Variants in TAB1 observed in about 807,000 individuals in gnomAD.
TAB1 encodes TGF-beta activated kinase 1 (MAP3K7) binding protein 1, also known as TGF-beta-activated kinase 1 and MAP3K7-binding protein 1.
In TAB1, 30 loss-of-function variants were observed where a neutral mutation model predicts 54.5. The ratio of observed to expected loss-of-function variants is 0.55; its 90% CI spans 0.41 to 0.75. The LOEUF is 0.75. Ranked by LOEUF, TAB1 falls within the 30% of genes least tolerant of loss-of-function variation. TAB1 has a pLI of 0.00. For missense variants in TAB1, 609 were observed against 683.2 expected (o/e 0.89, Z 1.21); for synonymous variants, 289 against 286.9 (o/e 1.01, Z -0.07).
At chr22:39,416,407 G>C (rs1470400142) in intron 3 of TAB1, among the ~76,000 whole-genome samples, 1 of 152,220 alleles carries the variant, frequency 6.6e-6, no homozygotes, top group Non-Finnish European at 1.5e-5. Context: ...TGCCAGGTTG[G>C]ACTGTCTTAC....
chr22:39,429,406 C>T (rs1488301502), intron 10 of TAB1: 4 of 976,500 alleles, frequency 4.1e-6, no homozygotes, highest in Non-Finnish European at 4.9e-6. Flanking sequence ...CGGGAGTGCT[C>T]GCGTGGGTGC....
intron 6 of TAB1, 120 bp downstream of exon 6, chr22:39,418,965 C>T (rs1926954955): frequency 2.6e-6 from 2 of 781,750 alleles, no homozygotes; most frequent in South Asian, 1.5e-5. Context: ...CCCAGCCAGC[C>T]TGCCTGGGGT....
intron 10 of TAB1, 56 bp downstream of exon 10, chr22:39,428,239 G>C (rs986384026): frequency 3.8e-5 from 48 of 1,270,380 alleles, no homozygotes; most frequent in Non-Finnish European, 5.0e-5. Flanking sequence ...TGTGTGTCCT[G>C]TGGCACCAGG....
intron 5 of TAB1, among the ~76,000 whole-genome samples, chr22:39,418,304 C>A (rs1355722683): frequency 6.6e-6 from 1 of 152,068 alleles, no homozygotes; most frequent in Non-Finnish European, 1.5e-5. Context: ...TTTTTTAATA[C>A]TCCAGTGGAA....
At position 39,419,190 on chromosome 22, in the gene TAB1, C is replaced by G. The variant is rs117591042; in HGVS notation, c.665-329C>G. Among the ~76,000 whole-genome samples, 709 of 152,346 alleles carry G rather than the reference C, an allele frequency of 4.7e-3. 6 individuals carry two copies. Among genetic ancestry groups the G allele is most frequent in the Non-Finnish European group, 7.2e-3 (493 of 68,034 alleles). ...AAAGAGGCCAAAGAAGTCCAGGGAG[C>G]CCAGCTGCTGCTGAGCTGCTCCTTC... On this transcript the variant is annotated intron_variant, in intron 6 of 10. Transcript: ENST00000216160.
chr22:39,416,220 G>A (rs1225073305), intron 3 of TAB1, among the ~76,000 whole-genome samples: 2 of 152,154 alleles, frequency 1.3e-5, no homozygotes, highest in Non-Finnish European at 2.9e-5. Context: ...TGCCCTTCAC[G>A]ACCTCAGGCT....
chr22:39,424,281 G>A (rs979230838), intron 8 of TAB1, among the ~76,000 whole-genome samples: 1 of 152,078 alleles, frequency 6.6e-6, no homozygotes, highest in Non-Finnish European at 1.5e-5. Flanking sequence ...CTTTGCAATT[G>A]TGAATTGTGC....
intron 1 of TAB1, among the ~76,000 whole-genome samples, chr22:39,405,379 C>T (rs1177201718): frequency 2.0e-5 from 3 of 152,222 alleles, no homozygotes; most frequent in African/African-American, 4.8e-5. Context: ...GGCTTCTTAA[C>T]GTATTCTTGT....
chr22:39,412,480 A>G (rs187290064), intron 1 of TAB1, among the ~76,000 whole-genome samples: 82 of 151,208 alleles, frequency 5.4e-4, no homozygotes, highest in African/African-American at 1.8e-3. Flanking sequence ...ACATGTGTCA[A>G]CATTCACAGA....
downstream of TAB1, chr22:39,432,681 A>C (rs919891740): frequency 6.6e-6 from 6 of 904,794 alleles, no homozygotes; most frequent in African/African-American, 1.8e-5. Flanking sequence ...ACTGAGGCAC[A>C]GACAGGTTCA....
chr22:39,436,215 C>T (rs1927777949), downstream of TAB1, among the ~76,000 whole-genome samples: 1 of 152,128 alleles, frequency 6.6e-6, no homozygotes, highest in Admixed American at 6.5e-5. Context: ...ATCACTTGCA[C>T]CCTGGAGGCG....
chr22:39,426,325 AC>A (rs1235272610), intron 8 of TAB1, among the ~76,000 whole-genome samples: 1 of 152,182 alleles, frequency 6.6e-6, no homozygotes, highest in Non-Finnish European at 1.5e-5. Context: ...ATCGCCTACA[AC>A]AAGTTTGTTC....
At chr22:39,408,025 T>C (rs952922077) in intron 1 of TAB1, among the ~76,000 whole-genome samples, 1 of 152,210 alleles carries the variant, frequency 6.6e-6, no homozygotes, top group African/African-American at 2.4e-5. Flanking sequence ...AGTTTCTGTT[T>C]TCTGGAGTGT....
At chr22:39,427,957 G>A (rs759198349) in intron 9 of TAB1, 64 bp from the exon 10 acceptor site, 13 of 1,443,022 alleles carry the variant, frequency 9.0e-6, no homozygotes, top group Non-Finnish European at 1.2e-5. Context: ...GAGCAGCTAT[G>A]CCCCTGCTAC....
intron 5 of TAB1, among the ~76,000 whole-genome samples, chr22:39,418,298 TTAA>T (rs2145671179): frequency 6.6e-6 from 1 of 152,292 alleles, no homozygotes; most frequent in East Asian, 1.9e-4. Context: ...CTGCCTTTTT[TTAA>T]TACTCCAGTG....
At chr22:39,407,323 T>G (rs931253665) in intron 1 of TAB1, among the ~76,000 whole-genome samples, 2 of 152,196 alleles carry the variant, frequency 1.3e-5, no homozygotes, top group Non-Finnish European at 2.9e-5. Context: ...TTCTTTAGGG[T>G]TGCCAGGCGT....
At chr22:39,412,984 G>T (rs942941816) in intron 1 of TAB1, among the ~76,000 whole-genome samples, 6 of 141,970 alleles carry the variant, frequency 4.2e-5, no homozygotes, top group Non-Finnish European at 9.0e-5. Flanking sequence ...GCACGATCTC[G>T]GCTCACTGCA....
rs35944071 is a variant in TAB1 at position 39,405,262 on chromosome 22, C to T, written c.33+5427C>T. Among the ~76,000 whole-genome samples the T allele has an allele frequency of 7.6e-3, 1,163 of 152,234 alleles. 20 individuals carry two copies. The highest frequency in any genetic ancestry group is 0.026 in the African/African-American group (1,083 of 41,504). ...TCATGCACAGGGTGTTTGTAAAGGC[C>T]TTGTTGGGTTAAATACTGTTGGATC... On this transcript the variant is annotated intron_variant, in intron 1 of 10. Transcript: ENST00000216160.
At chr22:39,422,005 A>T (rs575620787) in intron 8 of TAB1, 34 bp downstream of exon 8, 1 of 1,493,982 alleles carries the variant, frequency 6.7e-7, no homozygotes, top group East Asian at 2.5e-5. Flanking sequence ...ATGGCCGGAG[A>T]GCGTGGCTGG....
Sources: allele counts gnomAD v4.1 joint callset (sites outside exome capture counted in the v4.1 genomes callset), GRCh38; gene constraint gnomAD v4.1.1; transcripts MANE v1.5; gene names NCBI Gene and HGNC (gene_info 2026-07-23, HGNC 2026-07-21).